ASIC2: variants seen among roughly 807,000 people sequenced by gnomAD.
ASIC2 encodes the protein acid-sensing ion channel 2.
Under a neutral mutation model 57.3 loss-of-function variants are expected in ASIC2, and 25 were observed. The observed-to-expected ratio is 0.44, with a 90% CI of 0.32 to 0.61. ASIC2 has a LOEUF of 0.61. Among genes scored for constraint, ASIC2 ranks in the 20% least tolerant of loss-of-function variants. The probability of loss-of-function intolerance (pLI) is 0.06; values close to 1 mark genes in which losing one functional copy is unlikely to be tolerated. For missense variants in ASIC2, 641 were observed against 738.1 expected, an observed-to-expected ratio of 0.87 and a Z score of 1.52; for synonymous variants, 319 against 307.5, an observed-to-expected ratio of 1.04 and a Z score of -0.39.
At chr17:33,889,802 G>A (rs1914920161) in intron 1 of ASIC2, among the ~76,000 whole-genome samples, 1 of 152,224 alleles carries the variant, frequency 6.6e-6, no homozygotes, top group African/African-American at 2.4e-5. Flanking sequence ...AACATCAAGT[G>A]CCAGGTGCTG....
intron 1 of ASIC2, among the ~76,000 whole-genome samples, chr17:33,711,175 G>A (rs992748352): frequency 6.6e-6 from 1 of 152,110 alleles, no homozygotes; most frequent in African/African-American, 2.4e-5. Context: ...AGGTGCAGCG[G>A]GGCACCTGTG....
chr17:33,797,350 G>A (rs1056660984), intron 1 of ASIC2, among the ~76,000 whole-genome samples: 3 of 152,162 alleles, frequency 2.0e-5, no homozygotes, highest in African/African-American at 4.8e-5. Flanking sequence ...CATGACTAGC[G>A]AGGAGTGTGC....
chr17:34,134,775 C>T (rs1458726471), intron 1 of ASIC2, among the ~76,000 whole-genome samples: 1 of 152,194 alleles, frequency 6.6e-6, no homozygotes, highest in African/African-American at 2.4e-5. Context: ...TGACCACTCT[C>T]GTAGACAGAC....
intron 1 of ASIC2, among the ~76,000 whole-genome samples, chr17:33,897,501 A>G (rs1360293243): frequency 6.6e-6 from 1 of 152,242 alleles, no homozygotes; most frequent in Non-Finnish European, 1.5e-5. Context: ...AATGAAATGA[A>G]ATATATCTTT....
At chr17:34,045,369 C>G (rs1395310759) in intron 1 of ASIC2, among the ~76,000 whole-genome samples, 1 of 152,208 alleles carries the variant, frequency 6.6e-6, no homozygotes, top group Non-Finnish European at 1.5e-5. Flanking sequence ...CGAATTAACA[C>G]TCTTAAAAGA....
chr17:33,564,348 A>G (rs1916167342), intron 1 of ASIC2, among the ~76,000 whole-genome samples: 1 of 152,232 alleles, frequency 6.6e-6, no homozygotes. Context: ...TCAGTTTGCA[A>G]TGGATCAGGT....
chr17:33,841,689 A>G (rs1323039727), intron 1 of ASIC2, among the ~76,000 whole-genome samples: 1 of 152,196 alleles, frequency 6.6e-6, no homozygotes, highest in Non-Finnish European at 1.5e-5. Flanking sequence ...AGAAGCCCCC[A>G]AGAGAGGGAG....
chr17:33,633,059 C>T (rs116499222), intron 1 of ASIC2, among the ~76,000 whole-genome samples: 2,035 of 152,318 alleles, frequency 0.013, 32 homozygotes, highest in African/African-American at 0.045. Flanking sequence ...GCCTCCTCCC[C>T]TAGAAACATC....
chr17:33,194,260 A>G (rs550632963), intron 1 of ASIC2, among the ~76,000 whole-genome samples: 349 of 152,282 alleles, frequency 2.3e-3, no homozygotes, highest in Non-Finnish European at 4.0e-3. Flanking sequence ...CTTGTTTCCA[A>G]TGCCATTCTG....
At chr17:34,116,358 G>C (rs192161155) in intron 1 of ASIC2, among the ~76,000 whole-genome samples, 1 of 152,280 alleles carries the variant, frequency 6.6e-6, no homozygotes, top group Non-Finnish European at 1.5e-5. Flanking sequence ...ATAGAACCTA[G>C]CACAGGGCTG....
chr17:33,411,293 A>G (rs1424167201), intron 1 of ASIC2, among the ~76,000 whole-genome samples: 1 of 152,144 alleles, frequency 6.6e-6, no homozygotes, highest in Non-Finnish European at 1.5e-5. Flanking sequence ...GGTTGTTACC[A>G]TTTGTCCTCC....
At chr17:33,715,493 A>G (rs1909190706) in intron 1 of ASIC2, among the ~76,000 whole-genome samples, 1 of 152,168 alleles carries the variant, frequency 6.6e-6, no homozygotes, top group Admixed American at 6.5e-5. Flanking sequence ...AGCAAAGCAC[A>G]CATCCTAGTT....
chr17:34,026,654 G>A (rs1039758031), intron 1 of ASIC2, among the ~76,000 whole-genome samples: 1 of 152,154 alleles, frequency 6.6e-6, no homozygotes, highest in Non-Finnish European at 1.5e-5. Context: ...CTCTCTCCAT[G>A]GCTCTTGCAG....
intron 1 of ASIC2, among the ~76,000 whole-genome samples, chr17:33,364,906 G>C (rs576907674): frequency 3.9e-5 from 6 of 152,188 alleles, no homozygotes; most frequent in African/African-American, 1.4e-4. Flanking sequence ...CCTGCTTCCA[G>C]TCCAACTCCG....
intron 1 of ASIC2, among the ~76,000 whole-genome samples, chr17:33,506,246 A>G (rs1914252421): frequency 6.6e-6 from 1 of 151,036 alleles, no homozygotes; most frequent in Non-Finnish European, 1.5e-5. Context: ...TACAAAAAAA[A>G]AAAAAAAAAA....
chr17:33,200,247 C>A (rs957031929), intron 1 of ASIC2, among the ~76,000 whole-genome samples: 5 of 152,196 alleles, frequency 3.3e-5, no homozygotes, highest in Non-Finnish European at 2.9e-5. Flanking sequence ...GTCTGTCAAG[C>A]AGCCATCACA....
intron 1 of ASIC2, among the ~76,000 whole-genome samples, chr17:33,495,026 A>C (rs1238612561): frequency 6.6e-6 from 1 of 152,228 alleles, no homozygotes; most frequent in East Asian, 1.9e-4. Context: ...GCAAAGAAGA[A>C]GTGAATTGAA....
At chr17:33,218,717 A>C (rs1907590363) in intron 1 of ASIC2, among the ~76,000 whole-genome samples, 1 of 152,120 alleles carries the variant, frequency 6.6e-6, no homozygotes. Flanking sequence ...AGTCAATGAG[A>C]CTGGACTTAA....
chr17:33,348,098 T>TCAAA lies in ASIC2; in HGVS notation c.556-236035_556-236032dup, dbSNP rs569781797. Among the ~76,000 whole-genome samples the TCAAA allele has an allele frequency of 5.2e-3, 794 of 152,232 alleles. 5 individuals carry two copies. The highest frequency in any genetic ancestry group is 0.01 in the Middle Eastern group (3 of 294). The stretch of plus-strand genomic sequence containing the variant: ...GCCTGTGTGACAGTGAGGCTCTGTC[T>TCAAA]CAAACAAACAAACAAACAAAAATGG... On this transcript the variant is annotated intron_variant, in intron 1 of 9. Transcript: ENST00000359872.
Sources: allele counts gnomAD v4.1 joint callset (sites outside exome capture counted in the v4.1 genomes callset), GRCh38; gene constraint gnomAD v4.1.1; transcripts MANE v1.5; gene names NCBI Gene and HGNC (gene_info 2026-07-23, HGNC 2026-07-21).